The following JAZF1 variants were observed in gnomAD, a reference collection of about 807,000 sequenced individuals.
JAZF1 encodes juxtaposed with another zinc finger protein 1.
Under a neutral mutation model 26.4 loss-of-function variants are expected in JAZF1, and 8 were observed. The observed-to-expected ratio is 0.30, with a 90% CI of 0.18 to 0.55. The LOEUF (loss-of-function observed/expected upper bound fraction) is 0.55. Ranked by LOEUF, JAZF1 falls within the 20% of genes least tolerant of loss-of-function variation. The probability of loss-of-function intolerance (pLI) is 0.94; values close to 1 mark genes in which losing one functional copy is unlikely to be tolerated. For synonymous variants in JAZF1, 126 were observed against 122.3 expected (o/e 1.03, Z -0.20); for missense variants, 199 against 322.0 (o/e 0.62, Z 2.92).
At chr7:28,093,922 A>C (rs1482798061) in intron 1 of JAZF1, among the ~76,000 whole-genome samples, 16 of 152,242 alleles carry the variant, frequency 1.1e-4, no homozygotes, top group Admixed American at 9.8e-4. Context: ...CAGGGAGGGA[A>C]GAATGCATTC....
intron 1 of JAZF1, among the ~76,000 whole-genome samples, chr7:28,047,632 T>C (rs1356116034): frequency 6.6e-6 from 1 of 152,170 alleles, no homozygotes; most frequent in Non-Finnish European, 1.5e-5. Flanking sequence ...TGATATCAGA[T>C]GAAAACAATA....
rs562876820 is a variant in JAZF1, at chr7:28,073,527, CTG to C, written c.116-81548_116-81547del. Among the ~76,000 whole-genome samples, 109 of 152,288 alleles carry C rather than the reference CTG, an allele frequency of 7.2e-4. No individual in the cohort carries two copies. The Middle Eastern group carries it at 0.014, about 19-fold the overall frequency. On this transcript the variant is annotated intron_variant, in intron 1 of 4. Coordinates refer to ENST00000283928, the MANE Select transcript of JAZF1 (RefSeq NM_175061.4). ...CTTTAAATCAAAGTAGTTTGTTAGG[CTG>C]TCTCTTAATAATTTGGCCTAAAGTA...
intron 2 of JAZF1, among the ~76,000 whole-genome samples, chr7:27,907,583 G>T (rs975439518): frequency 3.3e-5 from 5 of 152,148 alleles, no homozygotes; most frequent in African/African-American, 1.2e-4. Context: ...CTGACAAGGT[G>T]GGGTGGGTGA....
intron 2 of JAZF1, among the ~76,000 whole-genome samples, chr7:27,905,371 G>A (rs933676937): frequency 1.3e-5 from 2 of 151,442 alleles, no homozygotes; most frequent in African/African-American, 2.4e-5. Flanking sequence ...TAAATATGAG[G>A]GCAAGCCAAT....
intron 4 of JAZF1, among the ~76,000 whole-genome samples, chr7:27,834,285 G>T (rs1782764587): frequency 6.6e-6 from 1 of 152,168 alleles, no homozygotes; most frequent in African/African-American, 2.4e-5. Context: ...CTGGAAGAAG[G>T]GTTGCTACTA....
intron 3 of JAZF1, among the ~76,000 whole-genome samples, chr7:27,880,699 C>G (rs572766081): frequency 6.6e-6 from 1 of 152,318 alleles, no homozygotes; most frequent in African/African-American, 2.4e-5. Flanking sequence ...GGGTCTTGCT[C>G]TGTTGCCCAG....
At chr7:28,143,261 T>C (rs1442295832) in intron 1 of JAZF1, among the ~76,000 whole-genome samples, 1 of 152,172 alleles carries the variant, frequency 6.6e-6, no homozygotes, top group Admixed American at 6.5e-5. Flanking sequence ...CTGATACTTG[T>C]GTGTCTTCAG....
intron 3 of JAZF1, among the ~76,000 whole-genome samples, chr7:27,883,029 A>C (rs1381622138): frequency 6.6e-6 from 1 of 152,160 alleles, no homozygotes; most frequent in Non-Finnish European, 1.5e-5. Context: ...TTTAGCACTC[A>C]TATTTCAGTT....
chr7:27,901,365 A>G (rs1583455167), intron 2 of JAZF1, among the ~76,000 whole-genome samples: 1 of 152,354 alleles, frequency 6.6e-6, no homozygotes, highest in Middle Eastern at 3.4e-3. Context: ...TCAGTCTGAC[A>G]TGCTCAACGT....
intron 1 of JAZF1, among the ~76,000 whole-genome samples, chr7:28,110,553 AGGAAAG>A (rs1260668531): frequency 1.8e-5 from 1 of 56,110 alleles, no homozygotes; most frequent in Admixed American, 2.5e-4. Flanking sequence ...GAAAAGGAAA[AGGAAAG>A]GGAAAGGAAA....
intron 3 of JAZF1, among the ~76,000 whole-genome samples, chr7:27,869,066 T>C (rs537824244): frequency 1.1e-3 from 175 of 152,334 alleles, no homozygotes; most frequent in African/African-American, 4.1e-3. Context: ...CATTCACAAG[T>C]TGCAAACTTC....
intron 3 of JAZF1, among the ~76,000 whole-genome samples, chr7:27,872,680 T>G (rs1325672609): frequency 2.0e-5 from 3 of 152,210 alleles, no homozygotes; most frequent in African/African-American, 7.2e-5. Context: ...ATGAAAAACA[T>G]TCACAATTAA....
At chr7:28,132,138 C>T (rs1272644077) in intron 1 of JAZF1, among the ~76,000 whole-genome samples, 1 of 152,174 alleles carries the variant, frequency 6.6e-6, no homozygotes, top group African/African-American at 2.4e-5. Context: ...AATAAGTGCT[C>T]ATTTTGAAAA....
At chr7:28,095,898 T>C (rs1333571209) in intron 1 of JAZF1, among the ~76,000 whole-genome samples, 1 of 152,246 alleles carries the variant, frequency 6.6e-6, no homozygotes, top group Admixed American at 6.5e-5. Flanking sequence ...GCTGGCCCTC[T>C]TGCTGTGTCC....
At position 28,071,435 on chromosome 7, in the gene JAZF1, A is replaced by G. The variant is rs559514804; in HGVS notation, c.116-79454T>C. 5.3e-5 allele frequency among the ~76,000 whole-genome samples: 8 copies of G among 152,366 alleles called. 2 individuals carry two copies. In the South Asian group the frequency reaches 1.2e-3, roughly 24 times the overall value. On this transcript the variant is annotated intron_variant, in intron 1 of 4. Coordinates refer to ENST00000283928, the MANE Select transcript of JAZF1 (RefSeq NM_175061.4). ...AACCCTGCCTCAACTGCCCTGAAAA[A>G]TCTTTAGTCCTCCTTTCAAACTTTT... is the stretch of plus-strand genomic sequence containing the variant.
At chr7:27,995,847 A>T (rs1408117235) in intron 1 of JAZF1, among the ~76,000 whole-genome samples, 2 of 152,218 alleles carry the variant, frequency 1.3e-5, no homozygotes, top group Admixed American at 6.5e-5. Flanking sequence ...TGGGGGTCAC[A>T]GCACTAGCTC....
chr7:27,847,908 T>C (rs2128333307), intron 3 of JAZF1, among the ~76,000 whole-genome samples: 1 of 152,266 alleles, frequency 6.6e-6, no homozygotes, highest in South Asian at 2.1e-4. Context: ...CCTCAGGTGA[T>C]CCGCCCGTCT....
intron 1 of JAZF1, among the ~76,000 whole-genome samples, chr7:28,081,524 T>C (rs538220305): frequency 7.4e-4 from 112 of 152,312 alleles, no homozygotes; most frequent in African/African-American, 2.6e-3. Flanking sequence ...AGCTGGGGTT[T>C]TGGGGACTTG....
chr7:27,978,747 A>G (rs1378806408), intron 2 of JAZF1, among the ~76,000 whole-genome samples: 2 of 152,240 alleles, frequency 1.3e-5, no homozygotes, highest in Non-Finnish European at 2.9e-5. Flanking sequence ...AATGCATATC[A>G]GCATAGCAGA....
Sources: gnomAD v4.1 joint callset for allele counts (sites outside exome capture counted in the v4.1 genomes callset) on GRCh38, gnomAD v4.1.1 for gene constraint, MANE v1.5 for transcripts, NCBI Gene and HGNC (gene_info 2026-07-23, HGNC 2026-07-21) for gene names.